KCNMB2: variants seen among roughly 807,000 people sequenced by gnomAD.
KCNMB2 encodes the protein calcium-activated potassium channel subunit beta-2.
Under a neutral mutation model 24.5 loss-of-function variants are expected in KCNMB2, and 9 were observed. That is an observed-to-expected ratio of 0.37 (90% CI 0.22 to 0.64). The LOEUF (loss-of-function observed/expected upper bound fraction) is 0.64. Among genes scored for constraint, KCNMB2 ranks in the 30% least tolerant of loss-of-function variants. The pLI is 0.63. For missense variants in KCNMB2, 226 were observed against 284.3 expected (o/e 0.79, Z 1.47); for synonymous variants, 109 against 104.4 (o/e 1.04, Z -0.27).
intron 1 of KCNMB2, among the ~76,000 whole-genome samples, chr3:178,714,109 G>T (rs957243858): frequency 1.3e-5 from 2 of 152,086 alleles, no homozygotes; most frequent in African/African-American, 4.8e-5. Context: ...TAGATTCCCG[G>T]TTATACTTGA....
chr3:178,639,440 C>T (rs1719644429), intron 1 of KCNMB2, among the ~76,000 whole-genome samples: 1 of 152,178 alleles, frequency 6.6e-6, no homozygotes, highest in Non-Finnish European at 1.5e-5. Flanking sequence ...GGATTAAATC[C>T]TTCCTCTGTT....
At chr3:178,670,077 A>G (rs1167189373) in intron 1 of KCNMB2, among the ~76,000 whole-genome samples, 4 of 152,206 alleles carry the variant, frequency 2.6e-5, no homozygotes, top group African/African-American at 9.6e-5. Flanking sequence ...AGTGAAGGAT[A>G]TAAAACAGGA....
rs774065094 is a variant in KCNMB2 at position 178,838,906 on chromosome 3, T to TA, written c.424-3739dup. Among the ~76,000 whole-genome samples, 12 of 152,090 alleles carry TA rather than the reference T, an allele frequency of 7.9e-5. No homozygotes were observed. In the South Asian group the frequency reaches 8.3e-4, roughly 11 times the overall value. The stretch of plus-strand genomic sequence containing the variant: ...AAATGACAGTAAGACGTGAGTTTTA[T>TA]AAAAAAAATAAGTTTATTAGGATAA... On this transcript the variant is annotated intron_variant, in intron 4 of 4. Coordinates refer to ENST00000452583, the MANE Select transcript of KCNMB2 (RefSeq NM_181361.3).
In KCNMB2 at chr3:178,757,688, ATATG is replaced by A. The variant is rs1200875673; in HGVS notation, c.-67-49651_-67-49648del. Among the ~76,000 whole-genome samples, 3 of 65,270 alleles carry A rather than the reference ATATG, an allele frequency of 4.6e-5. 1 individual carries two copies. Among genetic ancestry groups the A allele is most frequent in the African/African-American group, 1.8e-4 (3 of 16,280 alleles). 42.8% of individuals were successfully genotyped at this position (65,270 alleles called of 152,430 possible). A position where few individuals can be genotyped will look rare whatever the true frequency, so the allele number is the denominator to read the frequency against. On this transcript the variant is annotated intron_variant, in intron 1 of 4. Coordinates refer to ENST00000452583, the MANE Select transcript of KCNMB2 (RefSeq NM_181361.3). The stretch of plus-strand genomic sequence containing the variant: ...TGTATATATATCCAAGAGGATATAT[ATATG>A]TATATATATCCAAGAGGATATATAT...
intron 1 of KCNMB2, among the ~76,000 whole-genome samples, chr3:178,802,340 T>C (rs1011398701): frequency 6.6e-6 from 1 of 152,138 alleles, no homozygotes; most frequent in Non-Finnish European, 1.5e-5. Flanking sequence ...GCTCATTTAA[T>C]AAAGAAGAGT....
intron 1 of KCNMB2, among the ~76,000 whole-genome samples, chr3:178,686,066 T>C (rs1008350776): frequency 1.3e-4 from 20 of 151,830 alleles, no homozygotes; most frequent in African/African-American, 3.6e-4. Flanking sequence ...GAGAGAGAGA[T>C]AATAAACCTT....
At chr3:178,590,825 T>A (rs1469282204) in intron 1 of KCNMB2, among the ~76,000 whole-genome samples, 1 of 152,208 alleles carries the variant, frequency 6.6e-6, no homozygotes, top group Non-Finnish European at 1.5e-5. Context: ...TTTTATATAA[T>A]ACTTTAATCA....
chr3:178,791,747 G>T (rs1713331962), intron 1 of KCNMB2, among the ~76,000 whole-genome samples: 1 of 150,874 alleles, frequency 6.6e-6, no homozygotes, highest in Non-Finnish European at 1.5e-5. Flanking sequence ...GAGAAAAAAA[G>T]TAAATAACAT....
chr3:178,597,962 T>C (rs758638193), intron 1 of KCNMB2, among the ~76,000 whole-genome samples: 2 of 152,006 alleles, frequency 1.3e-5, no homozygotes, highest in Middle Eastern at 3.4e-3. Context: ...AAGTGAAACA[T>C]GGAGCCTTAA....
intron 1 of KCNMB2, among the ~76,000 whole-genome samples, chr3:178,713,533 A>C (rs1451399821): frequency 6.6e-6 from 1 of 152,224 alleles, no homozygotes; most frequent in East Asian, 1.9e-4. Context: ...AACCAAACAC[A>C]GATATGAACT....
intron 2 of KCNMB2, among the ~76,000 whole-genome samples, chr3:178,815,304 A>G (rs1249365656): frequency 6.6e-6 from 1 of 151,488 alleles, no homozygotes; most frequent in Non-Finnish European, 1.5e-5. Context: ...ACGCCTGGCT[A>G]ATTTTCTTTT....
intron 1 of KCNMB2, among the ~76,000 whole-genome samples, chr3:178,690,960 T>C (rs1364938267): frequency 1.3e-5 from 2 of 152,006 alleles, no homozygotes; most frequent in Non-Finnish European, 2.9e-5. Context: ...TTTTTTAAGA[T>C]GGAGTCTCAC....
At chr3:178,572,009 T>C (rs540038549) in intron 1 of KCNMB2, among the ~76,000 whole-genome samples, 52 of 152,368 alleles carry the variant, frequency 3.4e-4, no homozygotes, top group African/African-American at 1.2e-3. Flanking sequence ...GCATGTGTCT[T>C]TGTTTCCCAC....
intron 1 of KCNMB2, among the ~76,000 whole-genome samples, chr3:178,775,156 A>G (rs1268320994): frequency 6.6e-6 from 1 of 152,270 alleles, no homozygotes. Context: ...TCATACAAAA[A>G]TAAGAATGCT....
intron 1 of KCNMB2, among the ~76,000 whole-genome samples, chr3:178,688,836 G>T: frequency 6.6e-6 from 1 of 152,194 alleles, no homozygotes; most frequent in South Asian, 2.1e-4. Flanking sequence ...CTTAACTAAA[G>T]GTGGTAAACG....
In KCNMB2 at chr3:178,631,268, T is replaced by TTTCTGAAA. The variant is rs1560139521; in HGVS notation, c.-68+94561_-68+94568dup. Among the ~76,000 whole-genome samples, 4 of 152,324 alleles carry TTTCTGAAA rather than the reference T, an allele frequency of 2.6e-5. No homozygotes were observed. In the South Asian group the frequency reaches 8.3e-4, roughly 32 times the overall value. ...CCGTGACTGATAAACCTCTCAGTAC[T>TTTCTGAAA]TTCTGAAATTCCTGGTAAAGATGGC... On this transcript the variant is annotated intron_variant, in intron 1 of 4. Coordinates refer to ENST00000452583, the MANE Select transcript of KCNMB2 (RefSeq NM_181361.3).
At chr3:178,706,938 C>G (rs1722297058) in intron 1 of KCNMB2, among the ~76,000 whole-genome samples, 1 of 152,098 alleles carries the variant, frequency 6.6e-6, no homozygotes, top group Non-Finnish European at 1.5e-5. Flanking sequence ...CAGCAAACCA[C>G]CATGGCACAT....
At chr3:178,752,655 G>GAA (rs1723891271) in intron 1 of KCNMB2, among the ~76,000 whole-genome samples, 1 of 152,196 alleles carries the variant, frequency 6.6e-6, no homozygotes, top group Non-Finnish European at 1.5e-5. Flanking sequence ...AGGCCAGTTA[G>GAA]AAACCTATTA....
rs781096284 is a variant in KCNMB2, at chr3:178,842,853, T to TG, written c.629dup (p.Val211CysfsTer18). ...TCTTCTGGCCAACCTGTATGATGGC[T>TG]GGGGGTGTGGCAATTGTTGCCATGG... On this transcript the variant is annotated frameshift_variant, in exon 5 of 5. Transcript: ENST00000452583. LOFTEE classifies it high-confidence loss of function. The TG allele has an allele frequency of 6.8e-6, 11 of 1,613,804 alleles. No individual in the cohort carries two copies. Among genetic ancestry groups the TG allele is most frequent in the Non-Finnish European group, 2.5e-6 (3 of 1,179,844 alleles).
Sources: gnomAD v4.1 joint callset for allele counts (sites outside exome capture counted in the v4.1 genomes callset) on GRCh38, gnomAD v4.1.1 for gene constraint, MANE v1.5 for transcripts, NCBI Gene and HGNC (gene_info 2026-07-23, HGNC 2026-07-21) for gene names.